PARD3: variants seen among roughly 807,000 people sequenced by gnomAD.
PARD3 encodes the protein par-3 family cell polarity regulator, also known as partitioning defective 3 homolog.
A neutral mutation model predicts 155.4 loss-of-function variants in PARD3; 75 were observed. That is an observed-to-expected ratio of 0.48 (90% CI 0.40 to 0.58). The LOEUF is 0.58. Among genes scored for constraint, PARD3 ranks in the 20% least tolerant of loss-of-function variants. The probability of loss-of-function intolerance (pLI) is 0.00; values close to 1 mark genes in which losing one functional copy is unlikely to be tolerated. For missense variants in PARD3, 1,642 were observed against 1,721.7 expected (o/e 0.95, Z 0.82); for synonymous variants, 576 against 610.5 (o/e 0.94, Z 0.83).
chr10:34,388,044 G>A (rs1842521980), intron 7 of PARD3, among the ~76,000 whole-genome samples: 1 of 152,154 alleles, frequency 6.6e-6, no homozygotes, highest in East Asian at 1.9e-4. Context: ...GAAAATCTCA[G>A]ATCTCAGATT....
chr10:34,191,775 C>A (rs1319562748), intron 22 of PARD3, among the ~76,000 whole-genome samples: 1 of 152,118 alleles, frequency 6.6e-6, no homozygotes, highest in Non-Finnish European at 1.5e-5. Context: ...CAGTGAAGAA[C>A]AACAGTCTCA....
chr10:34,809,760 C>G (rs894757852), intron 1 of PARD3, among the ~76,000 whole-genome samples: 2 of 152,138 alleles, frequency 1.3e-5, no homozygotes, highest in Non-Finnish European at 1.5e-5. Flanking sequence ...CTGGAAAGAT[C>G]AGCCTTTCAA....
In PARD3 at chr10:34,369,699, C is replaced by T. The variant is rs907145239; in HGVS notation, c.1707+2799G>A. On this transcript the variant is annotated intron_variant, in intron 12 of 24. Transcript: ENST00000374788. ...CATAACTGTATGCACAGTTACCATT[C>T]CTGTGGTTTAAAGTTGATATACCAT... Among the ~76,000 whole-genome samples, 3 of 152,074 alleles carry T rather than the reference C, an allele frequency of 2.0e-5. No homozygotes were observed. In the South Asian group the frequency reaches 6.2e-4, roughly 31 times the overall value.
chr10:34,411,646 T>C (rs979876043), intron 5 of PARD3, among the ~76,000 whole-genome samples: 1 of 152,090 alleles, frequency 6.6e-6, no homozygotes, highest in South Asian at 2.1e-4. Flanking sequence ...ACTGCAGATC[T>C]TGGGACTTTT....
At chr10:34,516,938 A>C (rs749671053) in intron 3 of PARD3, 41 bp downstream of exon 3, 1 of 1,575,566 alleles carries the variant, frequency 6.3e-7, no homozygotes, top group Non-Finnish European at 8.7e-7. Flanking sequence ...TATTCCTGTA[A>C]ATTAAGATGA....
chr10:34,512,345 T>C (rs1336829298), intron 3 of PARD3, among the ~76,000 whole-genome samples: 3 of 152,242 alleles, frequency 2.0e-5, no homozygotes, highest in East Asian at 1.9e-4. Flanking sequence ...ATTATCATTA[T>C]ACACTCATGC....
At position 34,125,420 on chromosome 10, in the gene PARD3, CTCAT is replaced by C. The variant is rs560074122; in HGVS notation, c.3541-5684_3541-5681del. ...CCACCCAACTAGAGCTAGGGTCATACTCATTTCAAGGCTGTCAACTAAGGCAGCA... is the reference window on the plus strand; with the variant it reads ...CCACCCAACTAGAGCTAGGGTCATACTTCAAGGCTGTCAACTAAGGCAGCA... On this transcript the variant is annotated intron_variant, in intron 23 of 24. Transcript: ENST00000374788. Among the ~76,000 whole-genome samples, 1,164 of 152,266 alleles carry C rather than the reference CTCAT, an allele frequency of 7.6e-3. 5 individuals are homozygous for C. The highest frequency in any genetic ancestry group is 0.013 in the Admixed American group (200 of 15,300).
chr10:34,186,220 C>G (rs78289129), intron 22 of PARD3, among the ~76,000 whole-genome samples: 1 of 152,000 alleles, frequency 6.6e-6, no homozygotes, highest in African/African-American at 2.4e-5. Flanking sequence ...TAAAGCCGGA[C>G]GGGGTAGCTC....
intron 2 of PARD3, among the ~76,000 whole-genome samples, chr10:34,693,591 A>C (rs12254678): frequency 0.034 from 5,107 of 152,288 alleles, 298 homozygotes; most frequent in African/African-American, 0.12. Context: ...GGATCAAAAA[A>C]TTAGCCTATT....
intron 3 of PARD3, among the ~76,000 whole-genome samples, chr10:34,511,543 C>G (rs571936148): frequency 6.6e-6 from 1 of 152,092 alleles, no homozygotes; most frequent in African/African-American, 2.4e-5. Context: ...ATGCAGCATC[C>G]TCACATGACA....
intron 1 of PARD3, among the ~76,000 whole-genome samples, chr10:34,786,418 C>G (rs142473574): frequency 6.6e-6 from 1 of 152,256 alleles, no homozygotes; most frequent in East Asian, 1.9e-4. Context: ...GAAATATATC[C>G]CACTAGATGT....
rs1042929605 is a variant in PARD3 at position 34,119,670 on chromosome 10, C to T, written c.3611G>A (p.Arg1204Gln). 4 of 1,612,202 alleles carry T rather than the reference C, an allele frequency of 2.5e-6. No individual in the cohort carries two copies. The highest frequency in any genetic ancestry group is 2.2e-5 in the East Asian group (1 of 44,864). The change falls in exon 24 of 25, where the codon CGG becomes CAG. Residue 1204 changes from arginine (R) to glutamine (Q), a missense_variant. By Grantham distance (43) the Arg-to-Gln change is conservative. Transcript: ENST00000374788. ...CTGGGAGCTCTCGCGCTCCTCCTGC[C>T]GCTGCCGCTGCATCTGCACCTCCAC... Reference protein sequence around the residue: ...VSVEVQMQRQRQEERESSQQA... With the variant: ...VSVEVQMQRQQQEERESSQQA...
intron 7 of PARD3, among the ~76,000 whole-genome samples, chr10:34,385,984 A>G (rs1379667935): frequency 6.6e-6 from 1 of 152,248 alleles, no homozygotes; most frequent in African/African-American, 2.4e-5. Flanking sequence ...TTTCTTCATG[A>G]AAGTATCATT....
intron 2 of PARD3, among the ~76,000 whole-genome samples, chr10:34,687,969 C>T (rs1007120021): frequency 2.0e-5 from 3 of 149,914 alleles, no homozygotes; most frequent in Non-Finnish European, 3.0e-5. Flanking sequence ...GATCCTCCCA[C>T]CTCAGCCTTT....
chr10:34,312,450 G>A, intron 20 of PARD3: 1 of 1,515,428 alleles, frequency 6.6e-7, no homozygotes, highest in Non-Finnish European at 9.2e-7. Context: ...ATCTGTGTTT[G>A]TTCTTTTCTC....
chr10:34,266,898 A>G (rs1955339861), intron 22 of PARD3, among the ~76,000 whole-genome samples: 1 of 152,156 alleles, frequency 6.6e-6, no homozygotes, highest in South Asian at 2.1e-4. Context: ...AGACTCTTGT[A>G]GGGCACTATG....
At chr10:34,587,103 CTAA>C (rs918238635) in intron 2 of PARD3, among the ~76,000 whole-genome samples, 6 of 151,996 alleles carry the variant, frequency 3.9e-5, no homozygotes, top group East Asian at 1.9e-4. Context: ...GCCACTGAGG[CTAA>C]TGTTTATTTT....
chr10:34,792,058 T>C (rs901612715), intron 1 of PARD3, among the ~76,000 whole-genome samples: 5 of 152,178 alleles, frequency 3.3e-5, no homozygotes, highest in Non-Finnish European at 5.9e-5. Context: ...CCTCGTGACA[T>C]GCGCCCAGGT....
intron 22 of PARD3, among the ~76,000 whole-genome samples, chr10:34,224,393 T>C (rs998895824): frequency 2.0e-5 from 3 of 152,214 alleles, no homozygotes; most frequent in African/African-American, 4.8e-5. Flanking sequence ...AAACTCCCCC[T>C]CAGGGGAAGA....
Sources: allele counts gnomAD v4.1 joint callset (sites outside exome capture counted in the v4.1 genomes callset), GRCh38; gene constraint gnomAD v4.1.1; transcripts MANE v1.5; gene names NCBI Gene and HGNC (gene_info 2026-07-23, HGNC 2026-07-21).